CPSF3: variants seen among roughly 807,000 people sequenced by gnomAD.
CPSF3 encodes the protein cleavage and polyadenylation specific factor 3, also known as cleavage and polyadenylation specificity factor subunit 3.
Under a neutral mutation model 84.1 loss-of-function variants are expected in CPSF3, and 57 were observed. That is an observed-to-expected ratio of 0.68 (90% CI 0.55 to 0.85). The LOEUF is 0.85. Ranked by LOEUF, CPSF3 falls within the 40% of genes least tolerant of loss-of-function variation. CPSF3 has a pLI of 0.00. For synonymous variants in CPSF3, 275 were observed against 278.1 expected, an observed-to-expected ratio of 0.99 and a Z score of 0.11; for missense variants, 522 against 838.8, an observed-to-expected ratio of 0.62 and a Z score of 4.66.
At chr2:9,424,222 C>T (rs1476027191) in intron 1 of CPSF3, 1 of 1,005,750 alleles carries the variant, frequency 9.9e-7, no homozygotes, top group Non-Finnish European at 1.2e-6. Flanking sequence ...CTGAATGAGG[C>T]TACAGCCGTG....
chr2:9,455,630 C>A, intron 12 of CPSF3, 29 bp from the exon 13 acceptor site: 1 of 1,502,710 alleles, frequency 6.7e-7, no homozygotes, highest in South Asian at 1.2e-5. Flanking sequence ...ACTAGTATTT[C>A]TTCAAGTCTC....
rs1353679475 is a variant in CPSF3, at chr2:9,466,348, GCGCGCA to G, written c.1787-1357_1787-1352del. ...CACAGACGCACGCACACACGCGCGC[GCGCGCA>G]CACACACACGCACACACCCACGCAC... is the stretch of plus-strand genomic sequence containing the variant. On this transcript the variant is annotated intron_variant, in intron 15 of 17. Coordinates refer to ENST00000238112, the MANE Select transcript of CPSF3 (RefSeq NM_016207.4). Among the ~76,000 whole-genome samples, 606 of 112,484 alleles carry G rather than the reference GCGCGCA, an allele frequency of 5.4e-3. 2 individuals carry two copies. The highest frequency in any genetic ancestry group is 7.7e-3 in the Non-Finnish European group (401 of 51,886). The allele number at this position is 112,484 out of a possible 152,430, so 73.8% of individuals were successfully genotyped here.
intron 4 of CPSF3, 90 bp from the exon 5 acceptor site, chr2:9,432,421 T>G: frequency 1.2e-6 from 1 of 810,862 alleles, no homozygotes; most frequent in Non-Finnish European, 1.8e-6. Context: ...AATATCTTCA[T>G]GGAGATGTTA....
chr2:9,468,755 C>T (rs1057057688), intron 16 of CPSF3, among the ~76,000 whole-genome samples: 1 of 151,232 alleles, frequency 6.6e-6, no homozygotes, highest in African/African-American at 2.4e-5. Context: ...ACCTCCCGAG[C>T]AAGTGGGACT....
Position 9,423,757 on chromosome 2 carries a change from G to C in CPSF3, c.-17G>C. On this transcript the variant is annotated 5_prime_UTR_variant, in exon 1 of 18. Coordinates refer to ENST00000238112, the MANE Select transcript of CPSF3 (RefSeq NM_016207.4). ...GCGACCTGTTCCTCACCCCCGCTTC[G>C]CCCTCACACTTTCGGGATGTCTGCG... 1.2e-6 allele frequency: 2 copies of C among 1,612,846 alleles called. No individual in the cohort carries two copies. Among genetic ancestry groups the C allele is most frequent in the Non-Finnish European group, 1.7e-6 (2 of 1,179,474 alleles).
intron 1 of CPSF3, among the ~76,000 whole-genome samples, chr2:9,427,168 C>T (rs1016985957): frequency 6.6e-6 from 1 of 152,142 alleles, no homozygotes; most frequent in Admixed American, 6.5e-5. Flanking sequence ...TGTTGAGTTC[C>T]TCAGAAGGAG....
chr2:9,428,863 G>A (rs1291978920), intron 2 of CPSF3, 35 bp downstream of exon 2: 2 of 1,264,390 alleles, frequency 1.6e-6, no homozygotes, highest in Non-Finnish European at 2.3e-6. Context: ...TTAATAGTAT[G>A]GCTCTGTCTG....
At chr2:9,428,258 A>G (rs1011725618) in intron 1 of CPSF3, among the ~76,000 whole-genome samples, 1 of 151,844 alleles carries the variant, frequency 6.6e-6, no homozygotes, top group African/African-American at 2.4e-5. Flanking sequence ...CGGCCTCCCA[A>G]AGTGCTGGGA....
At chr2:9,430,702 A>G (rs1680555843) in intron 3 of CPSF3, 50 bp from the exon 4 acceptor site, 6 of 1,548,804 alleles carry the variant, frequency 3.9e-6, no homozygotes, top group Admixed American at 3.8e-5. Context: ...ATTACATGGT[A>G]TCTGATGGAT....
chr2:9,461,743 C>CTTTT (rs530424404), intron 15 of CPSF3, among the ~76,000 whole-genome samples: 4 of 105,274 alleles, frequency 3.8e-5, no homozygotes, highest in African/African-American at 1.5e-4. Flanking sequence ...GAAGGAGGAT[C>CTTTT]TTTTTTTTTT....
At chr2:9,459,722 T>C in intron 15 of CPSF3, 104 bp downstream of exon 15, 1 of 524,878 alleles carries the variant, frequency 1.9e-6, no homozygotes, top group Middle Eastern at 6.0e-4. Flanking sequence ...CGATCTCAGC[T>C]CACTGCATCC....
chr2:9,454,229 A>G (rs11688949), intron 12 of CPSF3, among the ~76,000 whole-genome samples: 5,745 of 151,654 alleles, frequency 0.038, 361 homozygotes, highest in African/African-American at 0.13. Context: ...CCAACGTGGT[A>G]AAACCCCATC....
intron 7 of CPSF3, among the ~76,000 whole-genome samples, chr2:9,438,351 G>A (rs1250599923): frequency 6.6e-6 from 1 of 152,190 alleles, no homozygotes; most frequent in African/African-American, 2.4e-5. Context: ...GAAGAACAGA[G>A]AAGTTAGGAA....
chr2:9,466,370 ACC>A (rs1405553185), intron 15 of CPSF3, among the ~76,000 whole-genome samples: 15 of 141,550 alleles, frequency 1.1e-4, no homozygotes, highest in African/African-American at 3.6e-4. Flanking sequence ...ACACGCACAC[ACC>A]CACGCACTCG....
At chr2:9,433,628 TATC>T (rs755298404) in intron 5 of CPSF3, among the ~76,000 whole-genome samples, 20 of 152,336 alleles carry the variant, frequency 1.3e-4, no homozygotes, top group Admixed American at 5.2e-4. Context: ...TTATATAGGT[TATC>T]ATTGTGAGAT....
chr2:9,453,427 C>G (rs1352272883), intron 12 of CPSF3, among the ~76,000 whole-genome samples: 2 of 152,074 alleles, frequency 1.3e-5, no homozygotes, highest in African/African-American at 4.8e-5. Flanking sequence ...CTTCACCATT[C>G]CAAAAGGAGT....
At chr2:9,450,081 C>T (rs915422264) in intron 11 of CPSF3, among the ~76,000 whole-genome samples, 6 of 151,280 alleles carry the variant, frequency 4.0e-5, no homozygotes, top group Non-Finnish European at 8.8e-5. Flanking sequence ...ACTGCAGCCT[C>T]GACCTCCCTA....
intron 15 of CPSF3, among the ~76,000 whole-genome samples, chr2:9,467,169 G>A (rs990258390): frequency 2.6e-5 from 4 of 152,146 alleles, no homozygotes; most frequent in Non-Finnish European, 5.9e-5. Context: ...AGATTAAGGG[G>A]GGCCCATTTT....
chr2:9,446,747 A>G (rs559462410), intron 10 of CPSF3, among the ~76,000 whole-genome samples: 1 of 151,288 alleles, frequency 6.6e-6, no homozygotes, highest in African/African-American at 2.5e-5. Flanking sequence ...GCAGAGTAAG[A>G]CTGTCTCAAA....
Sources: allele counts gnomAD v4.1 joint callset (sites outside exome capture counted in the v4.1 genomes callset), GRCh38; gene constraint gnomAD v4.1.1; transcripts MANE v1.5; gene names NCBI Gene and HGNC (gene_info 2026-07-23, HGNC 2026-07-21).